The following LSM7 variants were observed in gnomAD, a reference collection of about 807,000 sequenced individuals.
LSM7 encodes the protein LSM7 homolog, U6 small nuclear RNA and mRNA degradation associated.
A neutral mutation model predicts 14.1 loss-of-function variants in LSM7; 13 were observed. That is an observed-to-expected ratio of 0.92 (90% CI 0.60 to 1.47). LSM7 has a LOEUF of 1.47. Ranked by LOEUF, LSM7 falls within the 40% of genes most tolerant of loss-of-function variation. The pLI, the probability that LSM7 is intolerant of heterozygous loss-of-function variation, is 0.00. For missense variants in LSM7, 108 were observed against 140.8 expected (o/e 0.77, Z 1.18); for synonymous variants, 70 against 57.1 (o/e 1.23, Z -1.02).
At chr19:2,325,702 G>A (rs1027834631) in intron 2 of LSM7, among the ~76,000 whole-genome samples, 2 of 152,192 alleles carry the variant, frequency 1.3e-5, no homozygotes, top group African/African-American at 2.4e-5. Context: ...GAACCTGCCC[G>A]CCGCTCCTCT....
chr19:2,322,831 C>T (rs1967954055), intron 3 of LSM7, among the ~76,000 whole-genome samples: 1 of 152,098 alleles, frequency 6.6e-6, no homozygotes, highest in South Asian at 2.1e-4. Flanking sequence ...CTGCCTTAGC[C>T]TCCTGAGTAG....
chr19:2,323,939 C>T (rs1391144764), intron 3 of LSM7, among the ~76,000 whole-genome samples, 186 bp downstream of exon 3: 1 of 152,180 alleles, frequency 6.6e-6, no homozygotes, highest in East Asian at 1.9e-4. Context: ...AGCGCTCAAG[C>T]CCGTCCATCG....
intron 2 of LSM7, among the ~76,000 whole-genome samples, chr19:2,325,220 C>G (rs1036654367): frequency 6.6e-6 from 1 of 152,124 alleles, no homozygotes; most frequent in East Asian, 1.9e-4. Flanking sequence ...GCCATCTGAT[C>G]CTGCTCCGCA....
chr19:2,322,092 T>C (rs938870312), intron 3 of LSM7, among the ~76,000 whole-genome samples: 2 of 152,128 alleles, frequency 1.3e-5, no homozygotes, highest in African/African-American at 4.8e-5. Flanking sequence ...GCCCAGGTGA[T>C]AGCCGGCTAC....
intron 3 of LSM7, among the ~76,000 whole-genome samples, chr19:2,323,492 T>C (rs772742408): frequency 1.3e-5 from 2 of 152,156 alleles, no homozygotes; most frequent in African/African-American, 2.4e-5. Flanking sequence ...ACTCTGTTAC[T>C]CAGGCTGGAG....
chr19:2,324,092 C>A lies in LSM7; in HGVS notation c.169+33G>T, dbSNP rs1308232532. 3 of 1,358,034 alleles carry A rather than the reference C, an allele frequency of 2.2e-6. No individual in the cohort carries two copies. The African/African-American group carries it at 4.6e-5, about 21-fold the overall frequency. The allele number at this position is 1,358,034 out of a possible 1,614,324, so 84.1% of individuals were successfully genotyped here. On this transcript the variant is annotated intron_variant, in intron 3 of 3. Coordinates refer to ENST00000252622, the MANE Select transcript of LSM7 (RefSeq NM_016199.3). Reference sequence around the variant, plus strand: ...CCCCTCACCCCACTATCCCCCTCGTCCCGCTGCCTGCCTCGGCCGCCACCC... The same window carrying A: ...CCCCTCACCCCACTATCCCCCTCGTACCGCTGCCTGCCTCGGCCGCCACCC...
chr19:2,321,914 C>G lies in LSM7; in HGVS notation c.170-92G>C. The G allele has an allele frequency of 8.3e-7, 1 of 1,210,180 alleles. No individual in the cohort carries two copies. Among genetic ancestry groups the G allele is most frequent in the Non-Finnish European group, 1.1e-6 (1 of 935,748 alleles). 75.0% of individuals were successfully genotyped at this position (1,210,180 alleles called of 1,614,324 possible). ...AAGACCCTCGCTCCGACCTCCCCAC[C>G]TGCACCCTGCAGGCGCCACGAGCAC... On this transcript the variant is annotated intron_variant, in intron 3 of 3. Transcript: ENST00000252622. This position sits in a 1 kb window ranked among gnomAD's most constrained non-coding sequence, Gnocchi z 5.0.
At chr19:2,326,402 C>T (rs1009354099) in intron 2 of LSM7, among the ~76,000 whole-genome samples, 2 of 151,446 alleles carry the variant, frequency 1.3e-5, no homozygotes, top group Middle Eastern at 3.2e-3. Context: ...AATGCAGTGG[C>T]GCGATCTCAG....
chr19:2,324,395 G>A lies in LSM7; in HGVS notation c.98-199C>T, dbSNP rs543123363. On this transcript the variant is annotated intron_variant, in intron 2 of 3. Coordinates refer to ENST00000252622, the MANE Select transcript of LSM7 (RefSeq NM_016199.3). ...CACAGGCAGCAGACCACGTCTGCGG[G>A]GGGCCAGATGGCAAACACTTCTGGC... is the stretch of plus-strand genomic sequence containing the variant. The A allele has an allele frequency of 6.5e-4, 372 of 572,496 alleles. 2 individuals are homozygous for A. The African/African-American group carries it at 6.5e-3, about 10-fold the overall frequency. 35.5% of individuals were successfully genotyped at this position (572,496 alleles called of 1,614,324 possible).
chr19:2,327,843 T>C (rs1968066630), intron 2 of LSM7: 1 of 152,806 alleles, frequency 6.5e-6, no homozygotes, highest in African/African-American at 2.4e-5. Context: ...GTCTGACTGC[T>C]TACTTCCTGC....
At chr19:2,323,694 C>T (rs1967970802) in intron 3 of LSM7, among the ~76,000 whole-genome samples, 1 of 152,226 alleles carries the variant, frequency 6.6e-6, no homozygotes, top group Non-Finnish European at 1.5e-5. Flanking sequence ...TCAAGAGATC[C>T]TCCTGCCTTG....
At chr19:2,324,441 G>A (rs542541916) in intron 2 of LSM7, 259 of 532,468 alleles carry the variant, frequency 4.9e-4, no homozygotes, top group Non-Finnish European at 7.7e-4. Flanking sequence ...ACAGGGTGCC[G>A]GTCACAGCTG....
chr19:2,322,049 C>A (rs568896457), intron 3 of LSM7, among the ~76,000 whole-genome samples: 2 of 152,344 alleles, frequency 1.3e-5, no homozygotes, highest in East Asian at 3.9e-4. Context: ...AGCCACAGCC[C>A]TCCCTCACTC....
intron 2 of LSM7, among the ~76,000 whole-genome samples, chr19:2,327,442 C>G (rs1468252052): frequency 1.3e-5 from 2 of 152,084 alleles, no homozygotes; most frequent in Admixed American, 6.5e-5. Context: ...AGGGTTTCAC[C>G]ACGTAGGCCA....
intron 2 of LSM7, chr19:2,324,437 T>G: frequency 1.9e-6 from 1 of 535,282 alleles, no homozygotes; most frequent in Non-Finnish European, 3.4e-6. Context: ...GGCCACAGGG[T>G]GCCGGTCACA....
rs561115463 is a variant in LSM7, at chr19:2,321,955, G to C, written c.170-133C>G. On this transcript the variant is annotated intron_variant, in intron 3 of 3. Transcript: ENST00000252622. The surrounding 1 kb of genome is among the most constrained non-coding windows in gnomAD (Gnocchi z 5.0). ...CCACGAGCACGCAGGGACCTCAGAC[G>C]GGATGCGCTCTGTGGGGCAGGTCCC... The C allele has an allele frequency of 1.2e-6, 1 of 813,902 alleles. No homozygotes were observed. Among genetic ancestry groups the C allele is most frequent in the Non-Finnish European group, 1.7e-6 (1 of 586,034 alleles). The allele number at this position is 813,902 out of a possible 1,614,324, so 50.4% of individuals were successfully genotyped here.
chr19:2,323,197 C>T (rs769078781), intron 3 of LSM7, among the ~76,000 whole-genome samples: 4 of 152,090 alleles, frequency 2.6e-5, no homozygotes, highest in South Asian at 2.1e-4. Context: ...GGGGAGCGAG[C>T]GGGGGCAGGG....
At position 2,328,553 on chromosome 19, in the gene LSM7, G is replaced by C. The variant is rs1568423444; in HGVS notation, c.6+8C>G. ...GCCCCCCGGCTCCAGATTCCGCCGC[G>C]CGCTCACCGCCATCTTGTCGCGCCG... is the stretch of plus-strand genomic sequence containing the variant. On this transcript the variant is annotated splice_region_variant and intron_variant, in intron 1 of 3. Transcript: ENST00000252622. 6.3e-7 allele frequency: 1 copy of C among 1,594,404 alleles called. No homozygotes were observed. The highest frequency in any genetic ancestry group is 8.5e-7 in the Non-Finnish European group (1 of 1,171,712).
Position 2,321,744 on chromosome 19 carries a change from A to G in LSM7, c.248T>C (p.Leu83Pro), listed in dbSNP as rs866443244. Residue 83 changes from leucine to proline, a missense_variant, in exon 4 of 4, where the codon CTA (leucine) becomes CCA (proline). Transcript: ENST00000252622. This position sits in a 1 kb window ranked among gnomAD's most constrained non-coding sequence, Gnocchi z 5.0. The part of the protein sequence containing the change: ...LVVCRGTSVV[L>P]ICPQDGMEAI... ...CTCCATGCCGTCCTGCGGGCAGATT[A>G]GCACCACGGACGTGCCCCGGCACAC... The G allele has an allele frequency of 6.4e-7, 1 of 1,567,002 alleles. No individual in the cohort carries two copies.
Sources: allele counts gnomAD v4.1 joint callset (sites outside exome capture counted in the v4.1 genomes callset), GRCh38; gene constraint gnomAD v4.1.1; non-coding constraint Gnocchi (gnomAD v3.1); transcripts MANE v1.5; gene names NCBI Gene and HGNC (gene_info 2026-07-23, HGNC 2026-07-21).